Variants in RABGAP1L observed in about 807,000 individuals in gnomAD.
RABGAP1L encodes the protein rab GTPase-activating protein 1-like.
RABGAP1L carries 63 observed loss-of-function variants against 137.7 expected under a neutral mutation model. That is an observed-to-expected ratio of 0.46 (90% CI 0.37 to 0.56). The LOEUF (loss-of-function observed/expected upper bound fraction) is 0.56. Among genes scored for constraint, RABGAP1L ranks in the 20% least tolerant of loss-of-function variants. The probability of loss-of-function intolerance (pLI) is 0.00; values close to 1 mark genes in which losing one functional copy is unlikely to be tolerated. For synonymous variants in RABGAP1L, 431 were observed against 433.7 expected, an observed-to-expected ratio of 0.99 and a Z score of 0.08; for missense variants, 1,095 against 1,244.0, an observed-to-expected ratio of 0.88 and a Z score of 1.80.
At chr1:174,342,871 T>TG (rs145811647) in intron 11 of RABGAP1L, among the ~76,000 whole-genome samples, 13,667 of 152,008 alleles carry the variant, frequency 0.09, 824 homozygotes, top group East Asian at 0.22. Context: ...CCTGAGTAGC[T>TG]GGGACTACAG....
chr1:174,919,749 G>T (rs1325167438), intron 19 of RABGAP1L, among the ~76,000 whole-genome samples: 2 of 152,124 alleles, frequency 1.3e-5, no homozygotes, highest in Non-Finnish European at 2.9e-5. Context: ...CCAGCTACTT[G>T]GGAGGTTGAG....
At chr1:174,374,396 A>G (rs1004577143) in intron 12 of RABGAP1L, among the ~76,000 whole-genome samples, 3 of 152,124 alleles carry the variant, frequency 2.0e-5, no homozygotes, top group African/African-American at 7.2e-5. Context: ...TGGCTCTCAC[A>G]TTACTGAGAA....
rs571567502 is a variant in RABGAP1L at position 174,706,821 on chromosome 1, T to C, written c.2169+4565T>C. Reference sequence around the variant, plus strand: ...TTTGCTTGTTTTGGAACTTTATGTATGTGGAATCATACAATACGAACTCTT... The same window carrying C: ...TTTGCTTGTTTTGGAACTTTATGTACGTGGAATCATACAATACGAACTCTT... On this transcript the variant is annotated intron_variant, in intron 17 of 25. Transcript: ENST00000681986. 1.3e-5 allele frequency among the ~76,000 whole-genome samples: 2 copies of C among 152,360 alleles called. 1 individual carries two copies. Among genetic ancestry groups the C allele is most frequent in the Non-Finnish European group, 2.9e-5 (2 of 68,020 alleles).
intron 11 of RABGAP1L, among the ~76,000 whole-genome samples, chr1:174,306,470 G>A (rs1678259810): frequency 6.6e-6 from 1 of 152,190 alleles, no homozygotes; most frequent in African/African-American, 2.4e-5. Context: ...ACTGGTGTGA[G>A]ATGGTATCTC....
chr1:174,843,306 CATGCTG>C (rs1171916365), intron 19 of RABGAP1L, among the ~76,000 whole-genome samples: 1 of 149,624 alleles, frequency 6.7e-6, no homozygotes, highest in African/African-American at 2.5e-5. Flanking sequence ...ATACATGTGC[CATGCTG>C]GTGTGCTGCA....
At chr1:174,908,168 A>T (rs923355170) in intron 19 of RABGAP1L, among the ~76,000 whole-genome samples, 1 of 152,220 alleles carries the variant, frequency 6.6e-6, no homozygotes, top group Admixed American at 6.5e-5. Flanking sequence ...GCAGATGTTA[A>T]ATCTAAAAGG....
At chr1:174,936,670 C>A (rs1318455709) in intron 19 of RABGAP1L, among the ~76,000 whole-genome samples, 1 of 152,096 alleles carries the variant, frequency 6.6e-6, no homozygotes, top group Admixed American at 6.6e-5. Context: ...GACTGGACAC[C>A]TTATAGAGAC....
intron 13 of RABGAP1L, among the ~76,000 whole-genome samples, chr1:174,521,597 A>G (rs971326066): frequency 6.6e-6 from 1 of 152,240 alleles, no homozygotes; most frequent in African/African-American, 2.4e-5. Context: ...TGCAAGGGCA[A>G]AGAAAATTAG....
chr1:174,962,563 T>C (rs1298446776), intron 20 of RABGAP1L, among the ~76,000 whole-genome samples: 1 of 152,242 alleles, frequency 6.6e-6, no homozygotes, highest in African/African-American at 2.4e-5. Context: ...TAAGCTATTA[T>C]GCATAGTAAA....
intron 19 of RABGAP1L, among the ~76,000 whole-genome samples, chr1:174,853,262 T>C (rs76933961): frequency 6.6e-6 from 1 of 151,418 alleles, no homozygotes; most frequent in Non-Finnish European, 1.5e-5. Context: ...TAAAACATGA[T>C]TGACATCATC....
chr1:174,436,426 T>C (rs1653310910), intron 13 of RABGAP1L, among the ~76,000 whole-genome samples: 1 of 152,244 alleles, frequency 6.6e-6, no homozygotes, highest in Non-Finnish European at 1.5e-5. Flanking sequence ...CATTTTTTCA[T>C]GTGTTTTTTG....
At chr1:174,376,754 A>G (rs1466543944) in intron 12 of RABGAP1L, among the ~76,000 whole-genome samples, 1 of 152,220 alleles carries the variant, frequency 6.6e-6, no homozygotes, top group East Asian at 1.9e-4. Context: ...TGCAGCTAAC[A>G]TCTAACTTAA....
intron 7 of RABGAP1L, among the ~76,000 whole-genome samples, chr1:174,262,236 G>C (rs1225052924): frequency 4.6e-5 from 7 of 152,198 alleles, no homozygotes; most frequent in Non-Finnish European, 2.9e-5. Context: ...AATCAGGACA[G>C]AATTTTCAGC....
At chr1:174,522,441 T>C (rs1663495397) in intron 13 of RABGAP1L, among the ~76,000 whole-genome samples, 1 of 151,810 alleles carries the variant, frequency 6.6e-6, no homozygotes, top group South Asian at 2.1e-4. Context: ...TGGTGGCATG[T>C]GCCTGTAGTC....
At chr1:174,526,972 A>G (rs986077302) in intron 13 of RABGAP1L, among the ~76,000 whole-genome samples, 1 of 152,014 alleles carries the variant, frequency 6.6e-6, no homozygotes, top group Non-Finnish European at 1.5e-5. Context: ...TGTTTTATAT[A>G]TCTCACTTAC....
intron 19 of RABGAP1L, among the ~76,000 whole-genome samples, chr1:174,872,977 GAGGGCC>G (rs997955984): frequency 1.4e-4 from 22 of 152,332 alleles, no homozygotes; most frequent in African/African-American, 4.8e-4. Flanking sequence ...AAGATTAGAG[GAGGGCC>G]AGTCATGCAG....
intron 13 of RABGAP1L, among the ~76,000 whole-genome samples, chr1:174,541,917 C>A (rs932732285): frequency 6.6e-6 from 1 of 152,210 alleles, no homozygotes; most frequent in Non-Finnish European, 1.5e-5. Flanking sequence ...GTATGTTGAA[C>A]TAGCCTTGCA....
At chr1:174,519,024 G>A (rs1455229308) in intron 13 of RABGAP1L, among the ~76,000 whole-genome samples, 1 of 151,668 alleles carries the variant, frequency 6.6e-6, no homozygotes, top group East Asian at 1.9e-4. Context: ...TGCTGTTTAT[G>A]GAAGTATTAT....
intron 16 of RABGAP1L, 50 bp downstream of exon 16, chr1:174,699,700 GA>G (rs1679507345): frequency 6.6e-7 from 1 of 1,509,266 alleles, no homozygotes; most frequent in East Asian, 2.3e-5. Context: ...TTGAGTCATA[GA>G]AAAAGCCTAA....
Sources: gnomAD v4.1 joint callset for allele counts (sites outside exome capture counted in the v4.1 genomes callset) on GRCh38, gnomAD v4.1.1 for gene constraint, MANE v1.5 for transcripts, NCBI Gene and HGNC (gene_info 2026-07-23, HGNC 2026-07-21) for gene names.